The following KCNIP4 variants were observed in gnomAD, a reference collection of about 807,000 sequenced individuals.
The protein encoded by KCNIP4 is Kv channel-interacting protein 4.
Under a neutral mutation model 34.0 loss-of-function variants are expected in KCNIP4, and 12 were observed. That is an observed-to-expected ratio of 0.35 (90% CI 0.23 to 0.57). The LOEUF is 0.57. Ranked by LOEUF, KCNIP4 falls within the 20% of genes least tolerant of loss-of-function variation. The pLI is 0.83. For missense variants in KCNIP4, 238 were observed against 311.7 expected, an observed-to-expected ratio of 0.76 and a Z score of 1.78; for synonymous variants, 124 against 102.2, an observed-to-expected ratio of 1.21 and a Z score of -1.29.
At chr4:21,828,340 G>A (rs566510474) in intron 1 of KCNIP4, among the ~76,000 whole-genome samples, 1 of 151,848 alleles carries the variant, frequency 6.6e-6, no homozygotes, top group South Asian at 2.1e-4. Flanking sequence ...GAGGGAATAT[G>A]AAAAACTTAA....
chr4:21,553,238 G>T (rs1738722081), intron 1 of KCNIP4, among the ~76,000 whole-genome samples: 1 of 152,140 alleles, frequency 6.6e-6, no homozygotes, highest in Admixed American at 6.5e-5. Flanking sequence ...ACGTTCAAGT[G>T]AACCATAGCA....
intron 1 of KCNIP4, among the ~76,000 whole-genome samples, chr4:21,668,243 A>T (rs900575632): frequency 4.6e-5 from 7 of 152,118 alleles, no homozygotes; most frequent in Non-Finnish European, 1.5e-5. Flanking sequence ...GTTGGGGGTG[A>T]GGAGAGGGAA....
At chr4:21,320,550 C>T (rs1207633459) in intron 1 of KCNIP4, among the ~76,000 whole-genome samples, 2 of 152,098 alleles carry the variant, frequency 1.3e-5, no homozygotes, top group Non-Finnish European at 2.9e-5. Flanking sequence ...TTTCTACCTA[C>T]TATATTGTTT....
Position 21,505,978 on chromosome 4 carries a change from C to T in KCNIP4, c.61+442593G>A, listed in dbSNP as rs551760780. 1.5e-3 allele frequency among the ~76,000 whole-genome samples: 223 copies of T among 152,188 alleles called. 1 individual carries two copies. The highest frequency in any genetic ancestry group is 5.2e-3 in the African/African-American group (217 of 41,544). On this transcript the variant is annotated intron_variant, in intron 1 of 8. Coordinates refer to ENST00000382152, the MANE Select transcript of KCNIP4 (RefSeq NM_025221.6). ...ATTAGCAGGGTGTGGTGGCAGGCAC[C>T]TGTAATCCCAGCTACTCCGGAGGCT... is the stretch of plus-strand genomic sequence containing the variant.
chr4:21,186,073 G>A (rs1755203444), intron 1 of KCNIP4, among the ~76,000 whole-genome samples: 1 of 152,088 alleles, frequency 6.6e-6, no homozygotes. Flanking sequence ...GTGAATAGCT[G>A]TCTATTTCTA....
intron 2 of KCNIP4, among the ~76,000 whole-genome samples, chr4:20,865,147 G>T (rs1722740220): frequency 6.6e-6 from 1 of 152,066 alleles, no homozygotes; most frequent in South Asian, 2.1e-4. Flanking sequence ...AACTGATGAA[G>T]GACATAGAAA....
chr4:21,339,830 T>C (rs1017221029), intron 1 of KCNIP4, among the ~76,000 whole-genome samples: 7 of 152,182 alleles, frequency 4.6e-5, no homozygotes, highest in Admixed American at 1.3e-4. Context: ...TGAGAAAATA[T>C]TCAGAATTTG....
chr4:21,571,000 C>T lies in KCNIP4; in HGVS notation c.61+377571G>A, dbSNP rs977837972. ...TGACCCTAGATTTCTTTCTCTTAAG[C>T]ATTACATGCTTCTCCGTTTGAGAAA... On this transcript the variant is annotated intron_variant, in intron 1 of 8. Coordinates refer to ENST00000382152, the MANE Select transcript of KCNIP4 (RefSeq NM_025221.6). Among the ~76,000 whole-genome samples the T allele has an allele frequency of 5.9e-5, 9 of 152,178 alleles. 1 individual carries two copies. The South Asian group carries it at 1.5e-3, about 25-fold the overall frequency.
chr4:21,488,799 G>A (rs1732128935), intron 1 of KCNIP4, among the ~76,000 whole-genome samples: 1 of 152,034 alleles, frequency 6.6e-6, no homozygotes, highest in Admixed American at 6.6e-5. Flanking sequence ...AACTGTCAGA[G>A]GCCAAGAGAT....
chr4:21,853,692 A>G (rs1366207169), intron 1 of KCNIP4, among the ~76,000 whole-genome samples: 1 of 152,180 alleles, frequency 6.6e-6, no homozygotes, highest in Non-Finnish European at 1.5e-5. Context: ...TCAAGAAAAC[A>G]TTATTAATCC....
intron 1 of KCNIP4, among the ~76,000 whole-genome samples, chr4:21,501,965 A>ATT (rs1483231619): frequency 1.0e-4 from 15 of 145,070 alleles, no homozygotes; most frequent in South Asian, 2.2e-4. Flanking sequence ...ATGAGGGAGA[A>ATT]TTTTCTCTCT....
chr4:21,329,524 C>A (rs771757932), intron 1 of KCNIP4, among the ~76,000 whole-genome samples: 1 of 152,136 alleles, frequency 6.6e-6, no homozygotes, highest in Non-Finnish European at 1.5e-5. Flanking sequence ...ACTCCACCAT[C>A]TAGAAGGGGA....
Position 21,025,464 on chromosome 4 carries a change from G to A in KCNIP4, c.62-142755C>T, listed in dbSNP as rs1002513536. Among the ~76,000 whole-genome samples the A allele has an allele frequency of 5.5e-5, 7 of 126,504 alleles. No homozygotes were observed. The Admixed American group carries it at 5.9e-4, about 11-fold the overall frequency. The allele number at this position is 126,504 out of a possible 152,430, so 83.0% of individuals were successfully genotyped here. Reference sequence around the variant, plus strand: ...TGAACACCATTATGGTGCATGTAGTGAAAACAACTGAGAGAGAGAGAGAGA... The same window carrying A: ...TGAACACCATTATGGTGCATGTAGTAAAAACAACTGAGAGAGAGAGAGAGA... On this transcript the variant is annotated intron_variant, in intron 1 of 8. Transcript: ENST00000382152.
rs557363540 is a variant in KCNIP4 at position 21,185,976 on chromosome 4, A to G, written c.62-303267T>C. 2.6e-5 allele frequency among the ~76,000 whole-genome samples: 4 copies of G among 152,316 alleles called. No homozygotes were observed. The East Asian group carries it at 7.7e-4, about 29-fold the overall frequency. On this transcript the variant is annotated intron_variant, in intron 1 of 8. Transcript: ENST00000382152. ...AATGCTGAGTACATCTTGCAAACCA[A>G]GCTTGAAACACAGACCTGCTCTCTA...
intron 1 of KCNIP4, among the ~76,000 whole-genome samples, chr4:21,674,606 A>G (rs1749748426): frequency 6.6e-6 from 1 of 152,182 alleles, no homozygotes; most frequent in Non-Finnish European, 1.5e-5. Context: ...CCTTTGAGAA[A>G]TGAAGCTCAG....
intron 1 of KCNIP4, among the ~76,000 whole-genome samples, chr4:21,389,871 C>T (rs1050361047): frequency 5.0e-4 from 76 of 152,126 alleles, no homozygotes; most frequent in African/African-American, 1.6e-3. Context: ...CTTGAGGAAT[C>T]GCCACACTGT....
intron 1 of KCNIP4, among the ~76,000 whole-genome samples, chr4:21,744,917 C>A (rs965057046): frequency 1.3e-5 from 2 of 152,116 alleles, no homozygotes; most frequent in African/African-American, 2.4e-5. Flanking sequence ...CTATTTTGCA[C>A]CGACCTACCG....
chr4:21,109,960 T>C (rs1050698860), intron 1 of KCNIP4, among the ~76,000 whole-genome samples: 3 of 152,158 alleles, frequency 2.0e-5, no homozygotes, highest in African/African-American at 7.2e-5. Flanking sequence ...CATACTCCTA[T>C]ATTATTATTT....
intron 1 of KCNIP4, among the ~76,000 whole-genome samples, chr4:21,048,336 T>C (rs1241441250): frequency 6.6e-6 from 1 of 152,198 alleles, no homozygotes; most frequent in Non-Finnish European, 1.5e-5. Flanking sequence ...TGGAAGAGGC[T>C]GTTCACTGGC....
Sources: gnomAD v4.1 joint callset for allele counts (sites outside exome capture counted in the v4.1 genomes callset) on GRCh38, gnomAD v4.1.1 for gene constraint, MANE v1.5 for transcripts, NCBI Gene and HGNC (gene_info 2026-07-23, HGNC 2026-07-21) for gene names.